The following EXOC4 variants were observed in gnomAD, a reference collection of about 807,000 sequenced individuals.
EXOC4 encodes the protein SEC8-like 1.
In EXOC4, 71 loss-of-function variants were observed where a neutral mutation model predicts 107.2. The observed-to-expected ratio is 0.66, with a 90% CI of 0.55 to 0.81. The LOEUF is 0.81. Among genes scored for constraint, EXOC4 ranks in the 30% least tolerant of loss-of-function variants. The pLI is 0.00. For missense variants in EXOC4, 1,108 were observed against 1,189.6 expected (o/e 0.93, Z 1.01); for synonymous variants, 456 against 441.2 (o/e 1.03, Z -0.42).
At chr7:133,897,619 G>A (rs1195873146) in intron 12 of EXOC4, among the ~76,000 whole-genome samples, 1 of 152,048 alleles carries the variant, frequency 6.6e-6, no homozygotes, top group Non-Finnish European at 1.5e-5. Context: ...AACATATCCA[G>A]CTGTTAAAGA....
chr7:133,935,160 A>G (rs1046705456), intron 13 of EXOC4, among the ~76,000 whole-genome samples: 25 of 151,986 alleles, frequency 1.6e-4, no homozygotes, highest in African/African-American at 5.8e-4. Flanking sequence ...TATGCTCAGC[A>G]CTGGCTTCCA....
At chr7:133,271,800 T>G (rs1033138642) in intron 1 of EXOC4, among the ~76,000 whole-genome samples, 1 of 152,182 alleles carries the variant, frequency 6.6e-6, no homozygotes, top group Non-Finnish European at 1.5e-5. Context: ...AGGAGTTTTG[T>G]GTCTTCTGCC....
chr7:133,683,076 A>G (rs549912135), intron 10 of EXOC4, among the ~76,000 whole-genome samples: 5 of 152,274 alleles, frequency 3.3e-5, no homozygotes, highest in South Asian at 2.1e-4. Context: ...TCTGAGCACT[A>G]TGACTCTTTT....
intron 4 of EXOC4, among the ~76,000 whole-genome samples, chr7:133,310,568 G>T (rs1794848875): frequency 6.6e-6 from 1 of 152,182 alleles, no homozygotes; most frequent in Non-Finnish European, 1.5e-5. Flanking sequence ...CAGAATCTAT[G>T]GGAAGTCTGT....
At chr7:133,686,844 A>G (rs1182837586) in intron 10 of EXOC4, among the ~76,000 whole-genome samples, 3 of 152,180 alleles carry the variant, frequency 2.0e-5, no homozygotes, top group South Asian at 2.1e-4. Flanking sequence ...TGATCCAGCA[A>G]TCCCACTACT....
intron 10 of EXOC4, chr7:133,732,830 T>G (rs1795357195): frequency 5.9e-6 from 1 of 168,512 alleles, no homozygotes; most frequent in Admixed American, 6.3e-5. Flanking sequence ...ATAAGAAGTC[T>G]TTTGTATCTG....
chr7:133,993,894 A>C (rs1462986990), intron 14 of EXOC4, among the ~76,000 whole-genome samples: 1 of 152,226 alleles, frequency 6.6e-6, no homozygotes, highest in East Asian at 1.9e-4. Flanking sequence ...CAGTGGACAG[A>C]CTATGACACA....
intron 10 of EXOC4, among the ~76,000 whole-genome samples, chr7:133,735,046 T>TAAA (rs3076789): frequency 1.1e-5 from 1 of 94,736 alleles, no homozygotes; most frequent in Non-Finnish European, 2.0e-5. Context: ...CCGTCTCTGC[T>TAAA]AAAAAAAAAA....
intron 10 of EXOC4, among the ~76,000 whole-genome samples, chr7:133,773,174 A>G (rs1374601761): frequency 1.3e-5 from 2 of 151,928 alleles, no homozygotes; most frequent in African/African-American, 2.4e-5. Context: ...ATACTATTTT[A>G]TGGGCCACCC....
chr7:133,800,152 G>A (rs537487193), intron 10 of EXOC4, among the ~76,000 whole-genome samples: 1 of 150,748 alleles, frequency 6.6e-6, no homozygotes, highest in Non-Finnish European at 1.5e-5. Context: ...TAAAATGCTG[G>A]TGGCATTAAG....
At chr7:133,815,484 G>T (rs560652985) in intron 10 of EXOC4, among the ~76,000 whole-genome samples, 3 of 151,732 alleles carry the variant, frequency 2.0e-5, no homozygotes, top group African/African-American at 7.2e-5. Context: ...TGTAACATTA[G>T]AAACATTGAC....
At chr7:133,335,026 TGTGA>T (rs781704166) in intron 5 of EXOC4, among the ~76,000 whole-genome samples, 2 of 152,202 alleles carry the variant, frequency 1.3e-5, no homozygotes, top group Non-Finnish European at 2.9e-5. Context: ...CTCTCTTTTG[TGTGA>T]GTATTTAGAT....
intron 11 of EXOC4, among the ~76,000 whole-genome samples, chr7:133,888,591 G>C (rs1799136988): frequency 6.6e-6 from 1 of 152,184 alleles, no homozygotes; most frequent in South Asian, 2.1e-4. Flanking sequence ...TTGCTGCACA[G>C]TGCTGTCGGC....
At chr7:133,377,215 G>A (rs1016101767) in intron 7 of EXOC4, among the ~76,000 whole-genome samples, 1 of 152,072 alleles carries the variant, frequency 6.6e-6, no homozygotes, top group East Asian at 1.9e-4. Context: ...TTAGCTGGGC[G>A]TGGTGGCAGG....
At chr7:134,073,038 C>G in the EXOC4 span, among the ~76,000 whole-genome samples, 1 of 151,522 alleles carries the variant, frequency 6.6e-6, no homozygotes, top group Non-Finnish European at 1.5e-5. Flanking sequence ...AACCCCATGT[C>G]TACTAAAAAT....
intron 15 of EXOC4, among the ~76,000 whole-genome samples, chr7:133,998,543 G>C (rs1164077816): frequency 6.6e-6 from 1 of 152,174 alleles, no homozygotes; most frequent in Non-Finnish European, 1.5e-5. Flanking sequence ...AGAGCAGAGA[G>C]GAGGCTGATA....
chr7:133,263,687 G>C (rs550691856), intron 1 of EXOC4, among the ~76,000 whole-genome samples: 32 of 152,056 alleles, frequency 2.1e-4, no homozygotes, highest in African/African-American at 7.7e-4. Context: ...CTATTTGACA[G>C]ATCTTTTAAT....
chr7:133,717,344 G>A (rs1795019111), intron 10 of EXOC4, among the ~76,000 whole-genome samples: 1 of 152,144 alleles, frequency 6.6e-6, no homozygotes, highest in Non-Finnish European at 1.5e-5. Flanking sequence ...TAAAGAGTTG[G>A]TGTATTTCTC....
intron 5 of EXOC4, among the ~76,000 whole-genome samples, chr7:133,323,866 T>C (rs1795173410): frequency 1.3e-5 from 2 of 152,204 alleles, no homozygotes; most frequent in African/African-American, 4.8e-5. Context: ...TGGTAAGCTA[T>C]TAATTATTGC....
Sources: gnomAD v4.1 joint callset for allele counts (sites outside exome capture counted in the v4.1 genomes callset) on GRCh38, gnomAD v4.1.1 for gene constraint, MANE v1.5 for transcripts, NCBI Gene and HGNC (gene_info 2026-07-23, HGNC 2026-07-21) for gene names.